Variants in LDHB observed in about 807,000 individuals in gnomAD.
The protein encoded by LDHB is L-lactate dehydrogenase B chain.
In LDHB, 18 loss-of-function variants were observed where a neutral mutation model predicts 33.4. The ratio of observed to expected loss-of-function variants is 0.54; its 90% confidence interval spans 0.37 to 0.80. The LOEUF (loss-of-function observed/expected upper bound fraction) is 0.80. LDHB is among the 30% of genes least tolerant of loss of function. The probability of loss-of-function intolerance (pLI) is 0.00; values close to 1 mark genes in which losing one functional copy is unlikely to be tolerated. For synonymous variants in LDHB, 121 were observed against 140.6 expected (o/e 0.86, Z 0.98); for missense variants, 345 against 407.9 (o/e 0.85, Z 1.33).
intron 7 of LDHB, 61 bp downstream of exon 7, chr12:21,637,010 G>T (rs145164795): frequency 1.5e-6 from 2 of 1,364,714 alleles, no homozygotes; most frequent in African/African-American, 1.4e-5. Flanking sequence ...CTCTTTAAAT[G>T]AATCTTTTTG....
At chr12:21,655,113 G>A (rs752034586) in intron 1 of LDHB, among the ~76,000 whole-genome samples, 2 of 151,058 alleles carry the variant, frequency 1.3e-5, no homozygotes, top group African/African-American at 4.9e-5. Context: ...GAGCGATTCC[G>A]TCTCAAAAGG....
intron 4 of LDHB, 100 bp downstream of exon 4, chr12:21,643,835 G>T: frequency 3.2e-6 from 3 of 937,746 alleles, no homozygotes; most frequent in Non-Finnish European, 3.5e-6. Context: ...AACTGCTTCT[G>T]TAAATGAATA....
In LDHB at chr12:21,637,095, A is replaced by G; in HGVS notation, c.813T>C (p.Ile271=). The stretch of plus-strand genomic sequence containing the variant: ...CCTTTACCATTGTTGACACGGGATG[A>G]ATCCTGGATAGATTTTTCAACATGG... ...IESMLKNLSR[I]HPVSTMVKGM... is the part of the protein sequence containing the mutation. The change falls in exon 7 of 8, where the codon ATT becomes ATC. Residue 271 remains isoleucine, a synonymous_variant. Transcript: ENST00000350669. 1.2e-6 allele frequency: 2 copies of G among 1,607,720 alleles called. No individual in the cohort carries two copies. The highest frequency in any genetic ancestry group is 1.7e-6 in the Non-Finnish European group (2 of 1,175,236).
chr12:21,640,936 G>A (rs1456239408), intron 5 of LDHB, among the ~76,000 whole-genome samples: 8 of 151,960 alleles, frequency 5.3e-5, no homozygotes, highest in Admixed American at 4.6e-4. Context: ...ATAAAAATCC[G>A]AGGCCACATT....
intron 2 of LDHB, among the ~76,000 whole-genome samples, chr12:21,649,768 G>T (rs948408239): frequency 2.0e-5 from 3 of 152,070 alleles, no homozygotes; most frequent in Non-Finnish European, 1.5e-5. Flanking sequence ...ACTACCACCA[G>T]TGCCTTAATA....
intron 3 of LDHB, among the ~76,000 whole-genome samples, chr12:21,645,300 T>C (rs565948951): frequency 9.9e-5 from 15 of 152,226 alleles, no homozygotes; most frequent in African/African-American, 3.6e-4. Context: ...CCCCACGTGA[T>C]AGTCTGAAAT....
chr12:21,636,925 G>T, intron 7 of LDHB, 146 bp downstream of exon 7: 1 of 751,176 alleles, frequency 1.3e-6, no homozygotes, highest in Non-Finnish European at 2.3e-6. Flanking sequence ...GACTTCTGTT[G>T]GAAAATGAGA....
intron 2 of LDHB, 47 bp from the exon 3 acceptor site, chr12:21,647,063 G>A (rs373380102): frequency 4.5e-6 from 5 of 1,101,134 alleles, no homozygotes; most frequent in African/African-American, 3.1e-5. Flanking sequence ...ACTCTAGGAT[G>A]CGTCAGCTCA....
intron 5 of LDHB, among the ~76,000 whole-genome samples, chr12:21,639,308 T>A (rs1938302561): frequency 6.6e-6 from 1 of 151,978 alleles, no homozygotes; most frequent in Non-Finnish European, 1.5e-5. Context: ...TTTAAAAAGA[T>A]GTTCTGGGAA....
At chr12:21,650,604 T>G (rs1938662215) in intron 2 of LDHB, among the ~76,000 whole-genome samples, 1 of 152,180 alleles carries the variant, frequency 6.6e-6, no homozygotes, top group South Asian at 2.1e-4. Context: ...GAGTTCGACA[T>G]TCAGATCCTC....
chr12:21,648,434 A>C (rs969381569), intron 2 of LDHB, among the ~76,000 whole-genome samples: 3 of 150,482 alleles, frequency 2.0e-5, no homozygotes, highest in African/African-American at 7.3e-5. Flanking sequence ...CTTTTGGTTG[A>C]AAAAAAAAAT....
intron 2 of LDHB, among the ~76,000 whole-genome samples, chr12:21,649,142 A>C (rs1938609694): frequency 6.6e-6 from 1 of 152,158 alleles, no homozygotes; most frequent in South Asian, 2.1e-4. Flanking sequence ...TGGGAATATC[A>C]CTCTTATTTT....
At chr12:21,656,665 A>T (rs1328874802) in intron 1 of LDHB, among the ~76,000 whole-genome samples, 1 of 152,244 alleles carries the variant, frequency 6.6e-6, no homozygotes, top group East Asian at 1.9e-4. Context: ...TTTCTTTCAG[A>T]TATTTCTGGA....
intron 7 of LDHB, 122 bp from the exon 8 acceptor site, chr12:21,635,831 A>ACTCTC: frequency 2.5e-6 from 2 of 802,462 alleles, no homozygotes; most frequent in Non-Finnish European, 4.2e-6. Flanking sequence ...GTGAGCTATG[A>ACTCTC]CAGCGGTACT....
chr12:21,641,325 T>C (rs1938362931), intron 5 of LDHB, among the ~76,000 whole-genome samples: 1 of 152,172 alleles, frequency 6.6e-6, no homozygotes, highest in Non-Finnish European at 1.5e-5. Flanking sequence ...GGGTCATTTC[T>C]GTGGTATTTG....
In LDHB at chr12:21,649,672, C is replaced by CT. The variant is rs1337648005; in HGVS notation, c.130-2657dup. ...ATTTTTACTCTACTCCTGTGACAGA[C>CT]TTAAAAAAAGGCTTTTAATCTAAAG... is the stretch of plus-strand genomic sequence containing the variant. On this transcript the variant is annotated intron_variant, in intron 2 of 7. Transcript: ENST00000350669. 5.9e-4 allele frequency among the ~76,000 whole-genome samples: 9 copies of CT among 15,168 alleles called. No individual in the cohort carries two copies. In the Non-Finnish European group the frequency reaches 0.013, roughly 22 times the overall value. 10.0% of individuals were successfully genotyped at this position (15,168 alleles called of 152,430 possible).
Position 21,646,884 on chromosome 12 carries a change from A to C in LDHB, c.247+15T>G. 2 of 1,421,892 alleles carry C rather than the reference A, an allele frequency of 1.4e-6. No homozygotes were observed. Among genetic ancestry groups the C allele is most frequent in the Non-Finnish European group, 2.0e-6 (2 of 1,004,642 alleles). 88.1% of individuals were successfully genotyped at this position (1,421,892 alleles called of 1,614,324 possible). ...AAAAAAATATTAGATCACTTTGGGC[A>C]TTAAGTGAAATTACCTTTATCTGCC... On this transcript the variant is annotated intron_variant, in intron 3 of 7. Coordinates refer to ENST00000350669, the MANE Select transcript of LDHB (RefSeq NM_002300.8).
chr12:21,650,081 C>T (rs1270676982), intron 2 of LDHB, among the ~76,000 whole-genome samples: 1 of 109,228 alleles, frequency 9.2e-6, no homozygotes, highest in Non-Finnish European at 1.9e-5. Context: ...GACAGTAAGA[C>T]TCTCTCTCTC....
At chr12:21,651,675 A>G (rs73260153) in intron 2 of LDHB, among the ~76,000 whole-genome samples, 4 of 152,330 alleles carry the variant, frequency 2.6e-5, no homozygotes, top group African/African-American at 9.6e-5. Context: ...GAATAAATGA[A>G]GTAATATACA....
Sources: gnomAD v4.1 joint callset for allele counts (sites outside exome capture counted in the v4.1 genomes callset) on GRCh38, gnomAD v4.1.1 for gene constraint, MANE v1.5 for transcripts, NCBI Gene and HGNC (gene_info 2026-07-23, HGNC 2026-07-21) for gene names.